Variants in ADCY8 observed in about 807,000 individuals in gnomAD.
ADCY8 encodes the protein adenylate cyclase type 8.
ADCY8 carries 51 observed loss-of-function variants against 119.7 expected under a neutral mutation model. The observed-to-expected ratio is 0.43, with a 90% confidence interval of 0.34 to 0.54. The LOEUF (loss-of-function observed/expected upper bound fraction) is 0.54. Among genes scored for constraint, ADCY8 ranks in the 20% least tolerant of loss-of-function variants. The probability of loss-of-function intolerance (pLI) is 0.03; values close to 1 mark genes in which losing one functional copy is unlikely to be tolerated. For synonymous variants in ADCY8, 665 were observed against 651.0 expected (o/e 1.02, Z -0.33); for missense variants, 1,383 against 1,598.8 (o/e 0.87, Z 2.30).
chr8:130,837,101 C>A (rs151206686), intron 11 of ADCY8, among the ~76,000 whole-genome samples: 113 of 152,190 alleles, frequency 7.4e-4, no homozygotes, highest in African/African-American at 2.6e-3. Context: ...TAGTTCTCAC[C>A]AACAGCTCTA....
intron 5 of ADCY8, among the ~76,000 whole-genome samples, chr8:130,920,985 A>G (rs993306908): frequency 6.6e-6 from 1 of 152,184 alleles, no homozygotes; most frequent in African/African-American, 2.4e-5. Flanking sequence ...TTGTGAACCA[A>G]TTTCTTAAAA....
intron 2 of ADCY8, among the ~76,000 whole-genome samples, chr8:130,963,238 GGT>G (rs1472641773): frequency 6.6e-6 from 1 of 151,858 alleles, no homozygotes; most frequent in Non-Finnish European, 1.5e-5. Context: ...AAACAGACAT[GGT>G]GTTCACTTTT....
At chr8:130,905,679 C>A (rs1819760334) in intron 6 of ADCY8, among the ~76,000 whole-genome samples, 2 of 151,920 alleles carry the variant, frequency 1.3e-5, no homozygotes, top group Non-Finnish European at 2.9e-5. Context: ...GGCAACATGA[C>A]AAAACACCAT....
intron 11 of ADCY8, among the ~76,000 whole-genome samples, chr8:130,843,017 G>T (rs1206394111): frequency 6.6e-6 from 1 of 151,746 alleles, no homozygotes; most frequent in African/African-American, 2.4e-5. Context: ...CAGACATTGT[G>T]TATTTACCTT....
At chr8:130,842,184 A>C (rs1455364152) in intron 11 of ADCY8, among the ~76,000 whole-genome samples, 1 of 152,188 alleles carries the variant, frequency 6.6e-6, no homozygotes, top group Non-Finnish European at 1.5e-5. Context: ...TTTACTATGC[A>C]ATATGTTCCC....
intron 3 of ADCY8, 35 bp from the exon 4 acceptor site, chr8:130,943,497 G>GGGGGGGGCCC: frequency 4.1e-6 from 2 of 491,354 alleles, no homozygotes; most frequent in East Asian, 5.4e-5. Flanking sequence ...GTGGGGGGAG[G>GGGGGGGGCCC]AAGTATATTA....
At chr8:130,985,791 C>A (rs1167653089) in intron 2 of ADCY8, among the ~76,000 whole-genome samples, 2 of 152,160 alleles carry the variant, frequency 1.3e-5, no homozygotes, top group Non-Finnish European at 2.9e-5. Flanking sequence ...ACTGTCCGAA[C>A]CACCAGTTTA....
At chr8:130,861,281 A>C (rs1817919731) in intron 9 of ADCY8, among the ~76,000 whole-genome samples, 1 of 152,230 alleles carries the variant, frequency 6.6e-6, no homozygotes, top group African/African-American at 2.4e-5. Context: ...CCTATAGATC[A>C]AGTTGGGAAA....
At chr8:130,976,043 T>C (rs1406704817) in intron 2 of ADCY8, among the ~76,000 whole-genome samples, 1 of 152,190 alleles carries the variant, frequency 6.6e-6, no homozygotes, top group Admixed American at 6.5e-5. Context: ...ACCTATCTTT[T>C]GGAAAACTGC....
At chr8:130,808,158 A>T (rs1816036769) in intron 14 of ADCY8, among the ~76,000 whole-genome samples, 2 of 152,094 alleles carry the variant, frequency 1.3e-5, no homozygotes. Context: ...ACTATGTTAT[A>T]TATTTATTTA....
At chr8:130,846,023 G>A (rs1817284713) in intron 11 of ADCY8, among the ~76,000 whole-genome samples, 1 of 152,112 alleles carries the variant, frequency 6.6e-6, no homozygotes, top group Admixed American at 6.5e-5. Context: ...ATGATGTTAT[G>A]CATATCAAGC....
chr8:131,022,376 G>A (rs925199354), intron 1 of ADCY8, among the ~76,000 whole-genome samples: 4 of 152,098 alleles, frequency 2.6e-5, no homozygotes, highest in East Asian at 1.9e-4. Flanking sequence ...TACAGTGTTT[G>A]GTTTTCTGTT....
At chr8:130,875,621 T>C (rs1818532014) in intron 8 of ADCY8, among the ~76,000 whole-genome samples, 2 of 152,232 alleles carry the variant, frequency 1.3e-5, no homozygotes, top group Non-Finnish European at 2.9e-5. Context: ...CCTTCTTTTC[T>C]TTGCCCAGAT....
At chr8:130,997,143 T>C (rs149095398) in intron 1 of ADCY8, among the ~76,000 whole-genome samples, 64 of 152,214 alleles carry the variant, frequency 4.2e-4, no homozygotes, top group African/African-American at 1.5e-3. Context: ...CTCTGATGAA[T>C]TAAGTAAAAT....
intron 8 of ADCY8, among the ~76,000 whole-genome samples, chr8:130,870,592 G>A (rs566612376): frequency 7.9e-5 from 12 of 152,236 alleles, no homozygotes; most frequent in African/African-American, 2.6e-4. Flanking sequence ...TCCTGAGCCT[G>A]AGAGCTCATT....
At chr8:130,810,637 G>C (rs1232068963) in intron 14 of ADCY8, among the ~76,000 whole-genome samples, 1 of 152,198 alleles carries the variant, frequency 6.6e-6, no homozygotes, top group Non-Finnish European at 1.5e-5. Context: ...TGGAGTAGGT[G>C]TTCAGTAAAT....
At chr8:130,996,965 C>T (rs1167105178) in intron 1 of ADCY8, among the ~76,000 whole-genome samples, 3 of 152,190 alleles carry the variant, frequency 2.0e-5, no homozygotes, top group South Asian at 2.1e-4. Context: ...TCAGACAGAA[C>T]ATTAGAAACT....
At chr8:130,965,017 G>A (rs112930716) in intron 2 of ADCY8, among the ~76,000 whole-genome samples, 184 of 152,152 alleles carry the variant, frequency 1.2e-3, no homozygotes, top group African/African-American at 4.3e-3. Context: ...TTTTTAAAGG[G>A]TTATTTGGTT....
At chr8:130,880,614 A>G (rs1026429988) in intron 8 of ADCY8, among the ~76,000 whole-genome samples, 6 of 152,188 alleles carry the variant, frequency 3.9e-5, no homozygotes, top group African/African-American at 2.4e-5. Flanking sequence ...GGCAACTGCA[A>G]TAGGTCTCCT....
Sources: allele counts gnomAD v4.1 joint callset (sites outside exome capture counted in the v4.1 genomes callset), GRCh38; gene constraint gnomAD v4.1.1; transcripts MANE v1.5; gene names NCBI Gene and HGNC (gene_info 2026-07-23, HGNC 2026-07-21).